Variants in CTNNA2 observed in about 807,000 individuals in gnomAD.
CTNNA2 encodes the protein catenin alpha-2.
In CTNNA2, 42 loss-of-function variants were observed where a neutral mutation model predicts 101.0. The observed-to-expected ratio is 0.42, with a 90% CI of 0.32 to 0.54. The LOEUF (loss-of-function observed/expected upper bound fraction) is 0.54, where lower values mean the gene tolerates loss of function less well. CTNNA2 is among the 20% of genes least tolerant of loss of function. The pLI, the probability that CTNNA2 is intolerant of heterozygous loss-of-function variation, is 0.14. For missense variants in CTNNA2, 871 were observed against 1,223.1 expected, an observed-to-expected ratio of 0.71 and a Z score of 4.29; for synonymous variants, 450 against 456.4, an observed-to-expected ratio of 0.99 and a Z score of 0.18.
chr2:80,500,765 A>C (rs1687819586), intron 9 of CTNNA2, among the ~76,000 whole-genome samples: 1 of 152,156 alleles, frequency 6.6e-6, no homozygotes, highest in African/African-American at 2.4e-5. Flanking sequence ...AAATTGCCTC[A>C]AGTTGTGCAA....
chr2:80,516,359 A>G (rs1473933618), intron 9 of CTNNA2, among the ~76,000 whole-genome samples: 2 of 152,158 alleles, frequency 1.3e-5, no homozygotes, highest in Non-Finnish European at 2.9e-5. Context: ...TGTGATTTCC[A>G]TGCGGTCCTT....
At chr2:80,212,692 G>T (rs964427183) in intron 7 of CTNNA2, among the ~76,000 whole-genome samples, 1 of 152,082 alleles carries the variant, frequency 6.6e-6, no homozygotes, top group African/African-American at 2.4e-5. Flanking sequence ...TTTTTGTTGT[G>T]TCTCTGCCAG....
chr2:79,486,093 CT>C (rs1254423528), intron 4 of CTNNA2, among the ~76,000 whole-genome samples: 1 of 151,728 alleles, frequency 6.6e-6, no homozygotes, highest in Non-Finnish European at 1.5e-5. Context: ...TATTATTATA[CT>C]TTAAGTTTTA....
At chr2:79,924,627 G>T (rs1686898611) in intron 7 of CTNNA2, among the ~76,000 whole-genome samples, 1 of 152,092 alleles carries the variant, frequency 6.6e-6, no homozygotes, top group Admixed American at 6.6e-5. Context: ...TAGACATAGG[G>T]ATGGTTGTTT....
chr2:80,071,209 T>A (rs1000202107), intron 7 of CTNNA2, among the ~76,000 whole-genome samples: 1 of 152,208 alleles, frequency 6.6e-6, no homozygotes, highest in African/African-American at 2.4e-5. Context: ...GTTGTTATTA[T>A]ATCATAGAAA....
intron 3 of CTNNA2, among the ~76,000 whole-genome samples, chr2:79,853,475 C>G (rs992210891): frequency 1.3e-5 from 2 of 152,084 alleles, no homozygotes; most frequent in Non-Finnish European, 2.9e-5. Flanking sequence ...TTTTTCCTTG[C>G]TTCTCACAGT....
intron 3 of CTNNA2, among the ~76,000 whole-genome samples, chr2:79,344,839 A>G (rs1315298919): frequency 7.7e-4 from 112 of 145,820 alleles, no homozygotes; most frequent in Admixed American, 2.3e-3. Context: ...AATATATATA[A>G]TACAAATATT....
At chr2:79,703,246 C>A (rs1028982732) in intron 2 of CTNNA2, among the ~76,000 whole-genome samples, 5 of 152,182 alleles carry the variant, frequency 3.3e-5, no homozygotes, top group Admixed American at 3.3e-4. Flanking sequence ...GATTAAACAT[C>A]TGGTTGAAAA....
chr2:79,443,928 CTCT>C (rs1678803468), intron 4 of CTNNA2, among the ~76,000 whole-genome samples: 2 of 151,662 alleles, frequency 1.3e-5, no homozygotes, highest in Non-Finnish European at 2.9e-5. Flanking sequence ...CTCTCTCTCT[CTCT>C]CTCTCTCTCT....
intron 9 of CTNNA2, among the ~76,000 whole-genome samples, chr2:80,528,431 C>T (rs981145666): frequency 3.3e-5 from 5 of 152,202 alleles, no homozygotes; most frequent in East Asian, 3.9e-4. Context: ...CTCCTGATCT[C>T]GTGATCTGCC....
intron 7 of CTNNA2, among the ~76,000 whole-genome samples, chr2:80,075,648 TAAAAA>T (rs1698667895): frequency 1.2e-5 from 1 of 86,834 alleles, no homozygotes; most frequent in Non-Finnish European, 2.1e-5. Context: ...ATAAATATTA[TAAAAA>T]TAATATTTAT....
intron 8 of CTNNA2, among the ~76,000 whole-genome samples, chr2:80,403,888 T>A (rs1177217672): frequency 6.6e-6 from 1 of 152,242 alleles, no homozygotes; most frequent in Non-Finnish European, 1.5e-5. Flanking sequence ...TGTCTTTAGT[T>A]CTGTTTATGT....
At chr2:79,926,574 T>A (rs538298777) in intron 7 of CTNNA2, among the ~76,000 whole-genome samples, 2 of 152,076 alleles carry the variant, frequency 1.3e-5, no homozygotes, top group Non-Finnish European at 2.9e-5. Flanking sequence ...GTTCATATTT[T>A]CTTTAACACA....
chr2:79,954,171 G>T (rs928122695), intron 7 of CTNNA2, among the ~76,000 whole-genome samples: 3 of 152,116 alleles, frequency 2.0e-5, no homozygotes. Context: ...AAAACCATCA[G>T]ATCACGTGAG....
intron 7 of CTNNA2, among the ~76,000 whole-genome samples, chr2:79,936,932 G>A (rs12713994): frequency 0.085 from 12,968 of 152,072 alleles, 646 homozygotes; most frequent in East Asian, 0.2. Context: ...TAAGTAAGCC[G>A]CGAAAGAGCC....
In CTNNA2 at chr2:80,581,959, T is replaced by A. The variant is rs151154912; in HGVS notation, c.2007+140T>A. Reference sequence around the variant, plus strand: ...ATCTGTGCTCTCATCTGAGGTTGTTTATAGCAAATCACATTTTACACAGTG... The same window carrying A: ...ATCTGTGCTCTCATCTGAGGTTGTTAATAGCAAATCACATTTTACACAGTG... On this transcript the variant is annotated intron_variant, in intron 14 of 18. Coordinates refer to ENST00000402739, the MANE Select transcript of CTNNA2 (RefSeq NM_001282597.3). 1,205 of 593,294 alleles carry A rather than the reference T, an allele frequency of 2.0e-3. 11 individuals are homozygous for A. The highest frequency in any genetic ancestry group is 0.019 in the African/African-American group (1,045 of 54,184). 36.8% of individuals were successfully genotyped at this position (593,294 alleles called of 1,614,324 possible). A position where few individuals can be genotyped will look rare whatever the true frequency, so the allele number is the denominator to read the frequency against.
chr2:80,526,288 C>T (rs1157008363), intron 9 of CTNNA2, among the ~76,000 whole-genome samples: 3 of 152,168 alleles, frequency 2.0e-5, no homozygotes, highest in Non-Finnish European at 4.4e-5. Context: ...AAACCTCCGC[C>T]TCCCGGGTTC....
At chr2:79,870,318 T>G (rs1415499538) in intron 5 of CTNNA2, among the ~76,000 whole-genome samples, 1 of 152,170 alleles carries the variant, frequency 6.6e-6, no homozygotes, top group Non-Finnish European at 1.5e-5. Context: ...CTCCTAGTCT[T>G]GTGAACACCA....
intron 11 of CTNNA2, among the ~76,000 whole-genome samples, chr2:80,551,443 T>A (rs1298890025): frequency 1.3e-5 from 2 of 152,240 alleles, no homozygotes; most frequent in Admixed American, 1.3e-4. Context: ...AGTAGAAGGC[T>A]GTCTTGTCAA....
Sources: allele counts gnomAD v4.1 joint callset (sites outside exome capture counted in the v4.1 genomes callset), GRCh38; gene constraint gnomAD v4.1.1; transcripts MANE v1.5; gene names NCBI Gene and HGNC (gene_info 2026-07-23, HGNC 2026-07-21).